VWC2: variants seen among roughly 807,000 people sequenced by gnomAD.
VWC2 encodes brorin.
Under a neutral mutation model 29.8 loss-of-function variants are expected in VWC2, and 14 were observed. That is an observed-to-expected ratio of 0.47 (90% CI 0.31 to 0.74). The LOEUF (loss-of-function observed/expected upper bound fraction) is 0.74. Ranked by LOEUF, VWC2 falls within the 30% of genes least tolerant of loss-of-function variation. VWC2 has a pLI of 0.05. For missense variants in VWC2, 457 were observed against 459.8 expected (o/e 0.99, Z 0.05); for synonymous variants, 213 against 199.0 (o/e 1.07, Z -0.59).
chr7:49,856,370 A>C (rs1790417119), intron 3 of VWC2, among the ~76,000 whole-genome samples: 1 of 152,154 alleles, frequency 6.6e-6, no homozygotes, highest in Non-Finnish European at 1.5e-5. Context: ...TCAACGTGAT[A>C]TACTGGCTCC....
chr7:49,852,402 C>T lies in VWC2; in HGVS notation c.826+49562C>T, dbSNP rs573031545. On this transcript the variant is annotated intron_variant, in intron 3 of 3. Coordinates refer to ENST00000340652, the MANE Select transcript of VWC2 (RefSeq NM_198570.5). ...TTGTCCTGGCCTGTTCACTCATCTC[C>T]TTAACAAGGTGACCGGTGCTGTTTT... Among the ~76,000 whole-genome samples the T allele has an allele frequency of 4.9e-4, 75 of 152,344 alleles. 1 individual carries two copies. Among genetic ancestry groups the T allele is most frequent in the African/African-American group, 1.6e-3 (67 of 41,572 alleles).
intron 3 of VWC2, among the ~76,000 whole-genome samples, chr7:49,812,187 G>A (rs1477399476): frequency 2.0e-5 from 3 of 152,112 alleles, no homozygotes; most frequent in Non-Finnish European, 4.4e-5. Context: ...CATCATGAGG[G>A]AATTTATTGA....
chr7:49,866,127 G>A (rs1032965220), intron 3 of VWC2, among the ~76,000 whole-genome samples: 7 of 151,860 alleles, frequency 4.6e-5, no homozygotes, highest in African/African-American at 4.8e-5. Context: ...CCTTCATATC[G>A]CCTCTAAATT....
At position 49,877,483 on chromosome 7, in the gene VWC2, T is replaced by TAA. The variant is rs1562747776; in HGVS notation, c.827-34550_827-34549insAA. ...GTCTCAAAAAAAAAAAAAAAAAAAATATATATATATATATATATATATATA... is the reference window on the plus strand; with the variant it reads ...GTCTCAAAAAAAAAAAAAAAAAAAATAAATATATATATATATATATATATATA... On this transcript the variant is annotated intron_variant, in intron 3 of 3. Coordinates refer to ENST00000340652, the MANE Select transcript of VWC2 (RefSeq NM_198570.5). Among the ~76,000 whole-genome samples, 4 of 10,480 alleles carry TAA rather than the reference T, an allele frequency of 3.8e-4. 1 individual carries two copies. The highest frequency in any genetic ancestry group is 5.0e-4 in the Non-Finnish European group (3 of 6,012). The allele number at this position is 10,480 out of a possible 152,430, so 6.9% of individuals were successfully genotyped here. A position where few individuals can be genotyped will look rare whatever the true frequency, so the allele number is the denominator to read the frequency against.
intron 3 of VWC2, among the ~76,000 whole-genome samples, chr7:49,854,185 G>A (rs140221731): frequency 0.028 from 4,207 of 152,246 alleles, 163 homozygotes; most frequent in South Asian, 0.12. Flanking sequence ...ACATGTGCAC[G>A]TGTCTTTATA....
At chr7:49,799,049 G>C (rs571447205) in intron 2 of VWC2, among the ~76,000 whole-genome samples, 1 of 152,222 alleles carries the variant, frequency 6.6e-6, no homozygotes, top group Non-Finnish European at 1.5e-5. Context: ...GAGCATGGCG[G>C]AGTGGGCTCA....
intron 3 of VWC2, among the ~76,000 whole-genome samples, chr7:49,866,119 TTCATA>T (rs1445241594): frequency 1.3e-5 from 2 of 152,224 alleles, no homozygotes; most frequent in Non-Finnish European, 2.9e-5. Context: ...TCCTGGCTCC[TTCATA>T]TCGCCTCTAA....
At chr7:49,804,868 C>T (rs1788837679) in intron 3 of VWC2, among the ~76,000 whole-genome samples, 1 of 152,158 alleles carries the variant, frequency 6.6e-6, no homozygotes, top group African/African-American at 2.4e-5. Flanking sequence ...CCATAAGACA[C>T]ATGGCACAAA....
intron 3 of VWC2, among the ~76,000 whole-genome samples, chr7:49,893,532 C>T (rs2128731508): frequency 6.6e-6 from 1 of 152,132 alleles, no homozygotes; most frequent in South Asian, 2.1e-4. Flanking sequence ...TAGGTCCTTA[C>T]TAGGAAAACA....
intron 2 of VWC2, among the ~76,000 whole-genome samples, chr7:49,785,573 A>G (rs770156650): frequency 2.0e-5 from 3 of 152,212 alleles, no homozygotes; most frequent in Admixed American, 6.5e-5. Flanking sequence ...ATATATTCAC[A>G]TCCAGCCATA....
chr7:49,875,693 G>A (rs1791388793), intron 3 of VWC2, among the ~76,000 whole-genome samples: 1 of 152,110 alleles, frequency 6.6e-6, no homozygotes, highest in Non-Finnish European at 1.5e-5. Context: ...TGCAATGAGG[G>A]TAATAACAGT....
chr7:49,853,180 T>A (rs542198890), intron 3 of VWC2, among the ~76,000 whole-genome samples: 2 of 152,348 alleles, frequency 1.3e-5, no homozygotes, highest in Admixed American at 1.3e-4. Context: ...TTGTTCTGGA[T>A]CCCAGTTTGA....
intron 3 of VWC2, among the ~76,000 whole-genome samples, chr7:49,855,198 ATCTT>A (rs1409286374): frequency 1.3e-5 from 2 of 152,198 alleles, no homozygotes; most frequent in African/African-American, 4.8e-5. Flanking sequence ...CAAAAGGCAA[ATCTT>A]TCTTTTTCTC....
intron 2 of VWC2, among the ~76,000 whole-genome samples, chr7:49,779,165 T>C (rs977464084): frequency 1.3e-5 from 2 of 152,164 alleles, no homozygotes; most frequent in African/African-American, 4.8e-5. Context: ...ATGTGCAGGG[T>C]ATTTGGCTCC....
chr7:49,892,672 C>G (rs909280077), intron 3 of VWC2, among the ~76,000 whole-genome samples: 1 of 152,232 alleles, frequency 6.6e-6, no homozygotes, highest in South Asian at 2.1e-4. Context: ...TAATACTTGC[C>G]CAGTGAGTTA....
chr7:49,875,366 ACT>A (rs1791359120), intron 3 of VWC2, among the ~76,000 whole-genome samples: 3 of 128,116 alleles, frequency 2.3e-5, no homozygotes, highest in Non-Finnish European at 3.2e-5. Flanking sequence ...TGAGATTCTG[ACT>A]CAAAAAAAAA....
chr7:49,861,301 T>G (rs1055691777), intron 3 of VWC2, among the ~76,000 whole-genome samples: 2 of 152,252 alleles, frequency 1.3e-5, no homozygotes, highest in African/African-American at 4.8e-5. Context: ...TGGCCATTAT[T>G]TTTGGAGAAA....
chr7:49,804,875 C>A (rs1205687852), intron 3 of VWC2, among the ~76,000 whole-genome samples: 2 of 152,138 alleles, frequency 1.3e-5, no homozygotes, highest in African/African-American at 4.8e-5. Flanking sequence ...ACACATGGCA[C>A]AAATTCTATT....
intron 3 of VWC2, among the ~76,000 whole-genome samples, chr7:49,834,434 C>T (rs557912695): frequency 6.0e-4 from 91 of 152,278 alleles, no homozygotes; most frequent in African/African-American, 2.1e-3. Flanking sequence ...CAAAGTAGGA[C>T]TCCAATTATG....
Sources: allele counts gnomAD v4.1 joint callset (sites outside exome capture counted in the v4.1 genomes callset), GRCh38; gene constraint gnomAD v4.1.1; transcripts MANE v1.5; gene names NCBI Gene and HGNC (gene_info 2026-07-23, HGNC 2026-07-21).